Variants in COL23A1 observed in about 807,000 individuals in gnomAD.
COL23A1 encodes collagen alpha-1(XXIII) chain.
A neutral mutation model predicts 99.3 loss-of-function variants in COL23A1; 97 were observed. The observed-to-expected ratio is 0.98, with a 90% CI of 0.83 to 1.16. The LOEUF (loss-of-function observed/expected upper bound fraction) is 1.16. Among genes scored for constraint, COL23A1 ranks in the 50% most tolerant of loss-of-function variants. The pLI is 0.00. For missense variants in COL23A1, 762 were observed against 757.4 expected, an observed-to-expected ratio of 1.01 and a Z score of -0.07; for synonymous variants, 320 against 308.2, an observed-to-expected ratio of 1.04 and a Z score of -0.40.
chr5:178,246,284 A>G lies in COL23A1; in HGVS notation c.1383T>C (p.Leu461=). 1 of 1,555,300 alleles carries G rather than the reference A, an allele frequency of 6.4e-7. No homozygotes were observed. The highest frequency in any genetic ancestry group is 1.7e-4 in the Middle Eastern group (1 of 5,994). The change falls in exon 24 of 29, where the codon CTT becomes CTC. Residue 461 remains leucine (L), a synonymous_variant. Transcript: ENST00000390654. ...CTCCTTTGGTTCCTGGCAGCCCAAT[A>G]AGGCCCGGTGGGCCAACTGGCCCCT... ...GLPGPVGPPG[L]IGLPGTKGEK... is the part of the protein sequence containing the mutation.
chr5:178,365,170 T>TGA lies in COL23A1; in HGVS notation c.362-58253_362-58252dup, dbSNP rs1554147566. Among the ~76,000 whole-genome samples the TGA allele has an allele frequency of 9.9e-5, 14 of 141,656 alleles. No individual in the cohort carries two copies. Among genetic ancestry groups the TGA allele is most frequent in the African/African-American group, 2.8e-4 (11 of 39,116 alleles). 92.9% of individuals were successfully genotyped at this position (141,656 alleles called of 152,430 possible). Reference sequence around the variant, plus strand: ...GTGTGTGTGTGTGTGTGTGTGTGTGTGATAAATAAGCAAAATTGTTTTCCT... The same window carrying TGA: ...GTGTGTGTGTGTGTGTGTGTGTGTGTGAGATAAATAAGCAAAATTGTTTTCCT... On this transcript the variant is annotated intron_variant, in intron 2 of 28. Coordinates refer to ENST00000390654, the MANE Select transcript of COL23A1 (RefSeq NM_173465.4). The surrounding 1 kb of genome is among the most constrained non-coding windows in gnomAD (Gnocchi z 5.2).
chr5:178,541,257 T>C (rs1761268259), intron 2 of COL23A1, among the ~76,000 whole-genome samples: 1 of 152,158 alleles, frequency 6.6e-6, no homozygotes, highest in South Asian at 2.1e-4. Context: ...CAACTGGAAT[T>C]GTCAAACACA....
intron 2 of COL23A1, among the ~76,000 whole-genome samples, chr5:178,498,239 T>C (rs1427273545): frequency 1.7e-5 from 1 of 59,910 alleles, no homozygotes; most frequent in Non-Finnish European, 2.7e-5. Flanking sequence ...TATATATATA[T>C]ATATATATAT....
Position 178,328,603 on chromosome 5 carries a change from C to T in COL23A1, c.362-21684G>A, listed in dbSNP as rs564544516. Among the ~76,000 whole-genome samples, 11 of 152,272 alleles carry T rather than the reference C, an allele frequency of 7.2e-5. No homozygotes were observed. In the East Asian group the frequency reaches 1.3e-3, roughly 19 times the overall value. ...ATGGCTGAGTATAAAGTAAGGCTTT[C>T]CCTCAAAACTATGCTTCAGAAAGGA... On this transcript the variant is annotated intron_variant, in intron 2 of 28. Transcript: ENST00000390654.
Position 178,589,229 on chromosome 5 carries a change from G to A in COL23A1, c.294+675C>T, listed in dbSNP as rs1428716917. On this transcript the variant is annotated intron_variant, in intron 1 of 28. Coordinates refer to ENST00000390654, the MANE Select transcript of COL23A1 (RefSeq NM_173465.4). The surrounding 1 kb of genome is among the most constrained non-coding windows in gnomAD (Gnocchi z 5.4). ...AGGTAAGGGACGGGAAACTCCGGAT[G>A]TCCTGCGAGCCCACACCCCAGATGG... 6.6e-6 allele frequency among the ~76,000 whole-genome samples: 1 copy of A among 152,182 alleles called. No individual in the cohort carries two copies. Among genetic ancestry groups the A allele is most frequent in the Non-Finnish European group, 1.5e-5 (1 of 68,030 alleles).
At position 178,306,745 on chromosome 5, in the gene COL23A1, G is replaced by A; in HGVS notation, c.406+130C>T. The A allele has an allele frequency of 1.7e-6, 1 of 573,512 alleles. No homozygotes were observed. The highest frequency in any genetic ancestry group is 2.9e-6 in the Non-Finnish European group (1 of 349,630). The allele number at this position is 573,512 out of a possible 1,614,324, so 35.5% of individuals were successfully genotyped here. A position where few individuals can be genotyped will look rare whatever the true frequency, so the allele number is the denominator to read the frequency against. ...GAAACGGCAGCTGGACTTGGAAGGGGGAGGAGCACCTGCCCAGGACCAAGG... is the reference window on the plus strand; with the variant it reads ...GAAACGGCAGCTGGACTTGGAAGGGAGAGGAGCACCTGCCCAGGACCAAGG... On this transcript the variant is annotated intron_variant, in intron 3 of 28. Transcript: ENST00000390654. This position sits in a 1 kb window ranked among gnomAD's most constrained non-coding sequence, Gnocchi z 4.1.
intron 16 of COL23A1, among the ~76,000 whole-genome samples, chr5:178,254,600 G>C (rs1215240793): frequency 1.3e-5 from 2 of 152,206 alleles, no homozygotes; most frequent in African/African-American, 4.8e-5. Flanking sequence ...GGCATCATTA[G>C]GAGACCTAGC....
chr5:178,481,441 C>G (rs1244305905), intron 2 of COL23A1, among the ~76,000 whole-genome samples: 1 of 151,986 alleles, frequency 6.6e-6, no homozygotes. Flanking sequence ...AAAGACAACC[C>G]AGAGAATTTG....
chr5:178,477,788 C>T (rs749848658), intron 2 of COL23A1, among the ~76,000 whole-genome samples: 3 of 152,158 alleles, frequency 2.0e-5, no homozygotes, highest in Non-Finnish European at 4.4e-5. Flanking sequence ...AAATACAGCC[C>T]GAGTCATTTG....
intron 8 of COL23A1, among the ~76,000 whole-genome samples, chr5:178,266,237 C>T (rs920248321): frequency 1.3e-5 from 2 of 152,040 alleles, no homozygotes; most frequent in Non-Finnish European, 2.9e-5. Flanking sequence ...GATGGGGTTT[C>T]ACCATGTTGG....
intron 2 of COL23A1, among the ~76,000 whole-genome samples, chr5:178,548,385 C>T (rs1467556093): frequency 6.6e-6 from 1 of 152,052 alleles, no homozygotes; most frequent in Non-Finnish European, 1.5e-5. Context: ...CCTGGTCCTG[C>T]TCTCATCCTG....
intron 2 of COL23A1, among the ~76,000 whole-genome samples, chr5:178,379,203 C>T (rs942726456): frequency 6.6e-6 from 1 of 151,584 alleles, no homozygotes; most frequent in Non-Finnish European, 1.5e-5. Context: ...AAAAAACAAA[C>T]AAACCAGAAA....
chr5:178,378,906 A>G (rs1763224992), intron 2 of COL23A1, among the ~76,000 whole-genome samples: 1 of 152,178 alleles, frequency 6.6e-6, no homozygotes, highest in Non-Finnish European at 1.5e-5. Flanking sequence ...TCCTTCTCTT[A>G]TTTGGAATCC....
In COL23A1 at chr5:178,310,463, A is replaced by C. The variant is rs1758612128; in HGVS notation, c.362-3544T>G. 6.6e-6 allele frequency among the ~76,000 whole-genome samples: 1 copy of C among 152,178 alleles called. No individual in the cohort carries two copies. The highest frequency in any genetic ancestry group is 2.1e-4 in the South Asian group (1 of 4,824). On this transcript the variant is annotated intron_variant, in intron 2 of 28. Coordinates refer to ENST00000390654, the MANE Select transcript of COL23A1 (RefSeq NM_173465.4). This position sits in a 1 kb window ranked among gnomAD's most constrained non-coding sequence, Gnocchi z 4.3. Reference sequence around the variant, plus strand: ...CCGCAGGCTCACCTTCTGCCTCGCCAGTCCTCTGAAGAAGGTGCTAGTGTT... The same window carrying C: ...CCGCAGGCTCACCTTCTGCCTCGCCCGTCCTCTGAAGAAGGTGCTAGTGTT...
intron 2 of COL23A1, among the ~76,000 whole-genome samples, chr5:178,486,445 T>C (rs1242642577): frequency 3.3e-5 from 5 of 152,142 alleles, no homozygotes; most frequent in African/African-American, 1.2e-4. Flanking sequence ...CACTGCGTAA[T>C]TACCACGTGT....
rs546553461 is a variant in COL23A1, at chr5:178,308,444, T to A, written c.362-1525A>T. Among the ~76,000 whole-genome samples, 221 of 152,300 alleles carry A rather than the reference T, an allele frequency of 1.5e-3. 2 individuals are homozygous for A. Among genetic ancestry groups the A allele is most frequent in the African/African-American group, 4.7e-3 (196 of 41,558 alleles). On this transcript the variant is annotated intron_variant, in intron 2 of 28. Coordinates refer to ENST00000390654, the MANE Select transcript of COL23A1 (RefSeq NM_173465.4). This position sits in a 1 kb window ranked among gnomAD's most constrained non-coding sequence, Gnocchi z 5.1. Reference sequence around the variant, plus strand: ...GGACGTAGCCCTTGGTTTTCTCCCATCCTGGACACAGACCCTGAATTTGGG... The same window carrying A: ...GGACGTAGCCCTTGGTTTTCTCCCAACCTGGACACAGACCCTGAATTTGGG...
At chr5:178,562,302 A>C in intron 1 of COL23A1, 1 of 252,948 alleles carries the variant, frequency 4.0e-6, no homozygotes, top group Non-Finnish European at 7.9e-6. Context: ...TGGCTCGCTC[A>C]CTCATACTTT....
intron 15 of COL23A1, 68 bp downstream of exon 15, chr5:178,256,285 G>T: frequency 8.3e-7 from 1 of 1,205,904 alleles, no homozygotes. Context: ...TGTGGGGACA[G>T]GGGCTTCTGA....
chr5:178,292,528 G>A (rs1487197029), intron 3 of COL23A1, among the ~76,000 whole-genome samples: 1 of 152,220 alleles, frequency 6.6e-6, no homozygotes, highest in Non-Finnish European at 1.5e-5. Context: ...GAGGGGCAAT[G>A]TGGGGCAATT....
Sources: allele counts gnomAD v4.1 joint callset (sites outside exome capture counted in the v4.1 genomes callset), GRCh38; gene constraint gnomAD v4.1.1; non-coding constraint Gnocchi (gnomAD v3.1); transcripts MANE v1.5; gene names NCBI Gene and HGNC (gene_info 2026-07-23, HGNC 2026-07-21).